MKRN1: variants seen among roughly 807,000 people sequenced by gnomAD.
MKRN1 encodes the protein makorin ring finger protein 1, also known as E3 ubiquitin-protein ligase makorin-1.
MKRN1 carries 9 observed loss-of-function variants against 55.5 expected under a neutral mutation model. The ratio of observed to expected loss-of-function variants is 0.16; its 90% CI spans 0.10 to 0.28. The LOEUF (loss-of-function observed/expected upper bound fraction) is 0.28, where lower values mean the gene tolerates loss of function less well. Ranked by LOEUF, MKRN1 falls within the 10% of genes least tolerant of loss-of-function variation. The pLI is 1.00. For synonymous variants in MKRN1, 253 were observed against 235.9 expected, an observed-to-expected ratio of 1.07 and a Z score of -0.66; for missense variants, 488 against 626.7, an observed-to-expected ratio of 0.78 and a Z score of 2.36.
chr7:140,457,813 T>C lies in MKRN1; in HGVS notation c.772-947A>G, dbSNP rs142000104. 2.8e-4 allele frequency among the ~76,000 whole-genome samples: 43 copies of C among 152,246 alleles called. No homozygotes were observed. In the East Asian group the frequency reaches 7.9e-3, roughly 28 times the overall value. ...CTTTAAAAGAAAAAACATATATACA[T>C]ATATTCAGAGGTAGGTTCTACTACC... On this transcript the variant is annotated intron_variant, in intron 4 of 7. Transcript: ENST00000255977.
At chr7:140,468,701 CAAAAAA>C (rs528725182) in intron 2 of MKRN1, among the ~76,000 whole-genome samples, 2 of 32,126 alleles carry the variant, frequency 6.2e-5, no homozygotes, top group African/African-American at 2.0e-4. Context: ...CTCTGTCTCA[CAAAAAA>C]AAAAAAAAAA....
chr7:140,473,056 G>C (rs1794981821), intron 1 of MKRN1, among the ~76,000 whole-genome samples: 2 of 151,638 alleles, frequency 1.3e-5, no homozygotes, highest in African/African-American at 4.8e-5. Flanking sequence ...GTGCCATTGA[G>C]CCACTGCGCT....
At chr7:140,458,342 T>G (rs1197858963) in intron 4 of MKRN1, among the ~76,000 whole-genome samples, 1 of 152,188 alleles carries the variant, frequency 6.6e-6, no homozygotes, top group Non-Finnish European at 1.5e-5. Context: ...TAAGAACGGC[T>G]ACACGCAACC....
chr7:140,478,872 G>A (rs995929185), intron 1 of MKRN1: 2 of 266,042 alleles, frequency 7.5e-6, no homozygotes, highest in East Asian at 6.9e-5. Flanking sequence ...CTCAGGCAGC[G>A]CTCAGGGAAG....
chr7:140,460,195 CGA>C lies in MKRN1; in HGVS notation c.315-261_315-260del, dbSNP rs532061767. 4.1e-4 allele frequency: 171 copies of C among 413,494 alleles called. 1 individual carries two copies. The highest frequency in any genetic ancestry group is 3.8e-3 in the South Asian group (169 of 44,562). The allele number at this position is 413,494 out of a possible 1,614,324, so 25.6% of individuals were successfully genotyped here. A position where few individuals can be genotyped will look rare whatever the true frequency, so the allele number is the denominator to read the frequency against. On this transcript the variant is annotated intron_variant, in intron 2 of 7. Transcript: ENST00000255977. ...CCAGGAGACAGAGGTTGTGGTGAGC[CGA>C]GATCATGCCACTGTACTCCAGCCTG...
intron 2 of MKRN1, chr7:140,460,220 C>A: frequency 3.9e-6 from 1 of 256,328 alleles, no homozygotes; most frequent in South Asian, 5.6e-5. Flanking sequence ...GTACTCCAGC[C>A]TGGGCGACAG....
chr7:140,472,610 G>C (rs955613246), intron 1 of MKRN1, among the ~76,000 whole-genome samples: 3 of 150,724 alleles, frequency 2.0e-5, no homozygotes, highest in East Asian at 2.1e-4. Context: ...GGATGGTCTC[G>C]ATCTCCTGAC....
At chr7:140,456,974 A>C in intron 4 of MKRN1, 108 bp from the exon 5 acceptor site, 1 of 1,133,914 alleles carries the variant, frequency 8.8e-7, no homozygotes, top group Non-Finnish European at 1.2e-6. Flanking sequence ...AACTGAAAAA[A>C]CAATGTTCCC....
intron 2 of MKRN1, among the ~76,000 whole-genome samples, chr7:140,469,410 C>G (rs1287065261): frequency 6.6e-6 from 1 of 152,096 alleles, no homozygotes; most frequent in Non-Finnish European, 1.5e-5. Context: ...TTTGATATGC[C>G]TTCCTTCAAA....
At chr7:140,475,656 C>T (rs1299788960) in intron 1 of MKRN1, among the ~76,000 whole-genome samples, 1 of 151,796 alleles carries the variant, frequency 6.6e-6, no homozygotes, top group Non-Finnish European at 1.5e-5. Flanking sequence ...AGAGCGAGAC[C>T]CTATCTCAAA....
chr7:140,454,708 A>T lies in MKRN1; in HGVS notation c.1258T>A (p.Trp420Arg). 6.2e-7 allele frequency: 1 copy of T among 1,613,972 alleles called. No homozygotes were observed. The highest frequency in any genetic ancestry group is 8.5e-7 in the Non-Finnish European group (1 of 1,179,860). The change falls in exon 8 of 8, where the codon TGG becomes AGG. Residue 420 changes from tryptophan (W) to arginine (R), a missense_variant. This residue lies in a region of MKRN1 where 278 missense variants were observed against 406.7 expected (regional missense o/e 0.68). Transcript: ENST00000255977. Reference sequence around the variant, plus strand: ...TTCTCTCTTTCCTCAATGAGTTCCCAGAAGTGGTTCCTTCGTTGGGCCTGT... The same window carrying T: ...TTCTCTCTTTCCTCAATGAGTTCCCTGAAGTGGTTCCTTCGTTGGGCCTGT... ...RYRAQRRNHF[W>R]ELIEERENSN...
Position 140,461,321 on chromosome 7 carries a change from T to TG in MKRN1, c.315-1386dup, listed in dbSNP as rs558596730. Among the ~76,000 whole-genome samples, 479 of 152,276 alleles carry TG rather than the reference T, an allele frequency of 3.1e-3. 2 individuals carry two copies. Among genetic ancestry groups the TG allele is most frequent in the African/African-American group, 0.011 (442 of 41,550 alleles). ...TAAACCACCACCATCTCCAAATACGTGGGGAAAATACATCTATTTCCTTCA... is the reference window on the plus strand; with the variant it reads ...TAAACCACCACCATCTCCAAATACGTGGGGGAAAATACATCTATTTCCTTCA... On this transcript the variant is annotated intron_variant, in intron 2 of 7. Transcript: ENST00000255977.
rs1173082510 is a variant in MKRN1 at position 140,479,224 on chromosome 7, C to A, written c.121G>T (p.Ala41Ser). The A allele has an allele frequency of 6.9e-7, 1 of 1,456,584 alleles. No individual in the cohort carries two copies. The allele number at this position is 1,456,584 out of a possible 1,614,324, so 90.2% of individuals were successfully genotyped here. The change falls in exon 1 of 8, where the codon GCG becomes TCG. Residue 41 changes from alanine to serine, a missense_variant. This residue lies in a region of MKRN1 where 210 missense variants were observed against 220.0 expected (regional missense o/e 0.95). Transcript: ENST00000255977. ...TCGCTGCCGCCGCCCCCTCCGCCCG[C>A]CCCCAGGGACGGGGCGGTGACTGTG... is the stretch of plus-strand genomic sequence containing the variant. The part of the protein sequence containing the change: ...IPTVTAPSLG[A>S]GGGGGGSDGS...
chr7:140,454,340 AAC>A lies in MKRN1; in HGVS notation c.*175_*176del. 1 of 624,958 alleles carries A rather than the reference AAC, an allele frequency of 1.6e-6. No individual in the cohort carries two copies. Among genetic ancestry groups the A allele is most frequent in the South Asian group, 2.0e-5 (1 of 50,172 alleles). The allele number at this position is 624,958 out of a possible 1,614,324, so 38.7% of individuals were successfully genotyped here. ...TGTAACTTTTTTCAACAGGGAAAAC[AAC>A]ACACTCCTCAGGGAAAGGTGAGGGG... is the stretch of plus-strand genomic sequence containing the variant. On this transcript the variant is annotated 3_prime_UTR_variant, in exon 8 of 8. Coordinates refer to ENST00000255977, the MANE Select transcript of MKRN1 (RefSeq NM_013446.4).
At chr7:140,468,672 A>C (rs887309529) in intron 2 of MKRN1, among the ~76,000 whole-genome samples, 1 of 129,588 alleles carries the variant, frequency 7.7e-6, no homozygotes, top group Non-Finnish European at 1.6e-5. Context: ...CAGCACTCCA[A>C]CCTGGCGACA....
At chr7:140,463,999 T>A (rs968439154) in intron 2 of MKRN1, among the ~76,000 whole-genome samples, 2 of 152,058 alleles carry the variant, frequency 1.3e-5, no homozygotes, top group Non-Finnish European at 2.9e-5. Flanking sequence ...AGTGGTGCAA[T>A]CTCAGCTCAC....
chr7:140,461,813 G>A (rs984849064), intron 2 of MKRN1, among the ~76,000 whole-genome samples: 2 of 151,450 alleles, frequency 1.3e-5, no homozygotes, highest in Admixed American at 6.6e-5. Context: ...GAGAAACCCC[G>A]TCTCTACTAA....
rs866850446 is a variant in MKRN1, at chr7:140,476,545, G to T, written c.185+2615C>A. Among the ~76,000 whole-genome samples the T allele has an allele frequency of 7.9e-3, 998 of 125,928 alleles. 12 individuals are homozygous for T. The highest frequency in any genetic ancestry group is 0.027 in the African/African-American group (877 of 32,516). 82.6% of individuals were successfully genotyped at this position (125,928 alleles called of 152,430 possible). A position where few individuals can be genotyped will look rare whatever the true frequency, so the allele number is the denominator to read the frequency against. On this transcript the variant is annotated intron_variant, in intron 1 of 7. Transcript: ENST00000255977. ...TTGTCTTTGGTAATTTACAAGTTTT[G>T]TTTTTTTTTTTTTTAATGAAAGCAG...
At chr7:140,463,813 A>C (rs1310348494) in intron 2 of MKRN1, among the ~76,000 whole-genome samples, 1 of 152,052 alleles carries the variant, frequency 6.6e-6, no homozygotes, top group Non-Finnish European at 1.5e-5. Context: ...TGAACCTGGG[A>C]GGCGGAGCTT....
Sources: allele counts gnomAD v4.1 joint callset (sites outside exome capture counted in the v4.1 genomes callset), GRCh38; gene constraint gnomAD v4.1.1; regional missense constraint gnomAD v4.1.1; transcripts MANE v1.5; gene names NCBI Gene and HGNC (gene_info 2026-07-23, HGNC 2026-07-21).